Variants in TSHZ2 observed in about 807,000 individuals in gnomAD.
The protein encoded by TSHZ2 is teashirt zinc finger homeobox 2.
A neutral mutation model predicts 74.4 loss-of-function variants in TSHZ2; 21 were observed. The ratio of observed to expected loss-of-function variants is 0.28; its 90% CI spans 0.20 to 0.41. TSHZ2 has a LOEUF of 0.41. TSHZ2 is among the 10% of genes least tolerant of loss of function. The pLI, the probability that TSHZ2 is intolerant of heterozygous loss-of-function variation, is 1.00. For missense variants in TSHZ2, 1,244 were observed against 1,293.5 expected, an observed-to-expected ratio of 0.96 and a Z score of 0.59; for synonymous variants, 540 against 515.3, an observed-to-expected ratio of 1.05 and a Z score of -0.65.
intron 1 of TSHZ2, among the ~76,000 whole-genome samples, chr20:53,057,568 ACTT>A (rs529876438): frequency 2.0e-5 from 3 of 152,140 alleles, no homozygotes; most frequent in Non-Finnish European, 4.4e-5. Context: ...TATAATCATA[ACTT>A]CTTTTTATGT....
At chr20:53,000,854 C>T (rs1281281956) in intron 1 of TSHZ2, among the ~76,000 whole-genome samples, 3 of 152,100 alleles carry the variant, frequency 2.0e-5, no homozygotes, top group East Asian at 1.9e-4. Flanking sequence ...AAAGTTTCCT[C>T]GGGAGATACT....
At chr20:53,026,181 C>G (rs1983438234) in intron 1 of TSHZ2, among the ~76,000 whole-genome samples, 1 of 151,942 alleles carries the variant, frequency 6.6e-6, no homozygotes, top group South Asian at 2.1e-4. Flanking sequence ...TGAATGGAAC[C>G]ATAACTGGAG....
intron 1 of TSHZ2, among the ~76,000 whole-genome samples, chr20:53,020,247 C>T (rs545819216): frequency 3.7e-4 from 57 of 152,286 alleles, no homozygotes; most frequent in African/African-American, 1.2e-3. Flanking sequence ...CATCGGTCCT[C>T]GTGTTATTAC....
chr20:53,246,040 C>CTTTTTTTTTTTTTTTTT (rs57243805), intron 1 of TSHZ2, among the ~76,000 whole-genome samples: 143 of 130,532 alleles, frequency 1.1e-3, no homozygotes, highest in Non-Finnish European at 1.4e-3. Flanking sequence ...TTCTTTCTTT[C>CTTTTTTTTTTTTTTTTT]TTTTTTTTTT....
At chr20:53,261,838 A>G (rs1279003441) in intron 2 of TSHZ2, among the ~76,000 whole-genome samples, 5 of 152,332 alleles carry the variant, frequency 3.3e-5, no homozygotes, top group Middle Eastern at 3.4e-3. Context: ...TATTTTTTAT[A>G]TGGATTTATG....
At chr20:53,372,104 G>A (rs1981495399) in intron 2 of TSHZ2, among the ~76,000 whole-genome samples, 1 of 152,034 alleles carries the variant, frequency 6.6e-6, no homozygotes, top group South Asian at 2.1e-4. Flanking sequence ...AATTACAAAT[G>A]GGAAGACCCT....
At chr20:52,996,262 CT>C (rs1479240610) in intron 1 of TSHZ2, among the ~76,000 whole-genome samples, 1 of 152,002 alleles carries the variant, frequency 6.6e-6, no homozygotes, top group Non-Finnish European at 1.5e-5. Context: ...ACTGTAGCAT[CT>C]TTTTGCTTAA....
intron 2 of TSHZ2, among the ~76,000 whole-genome samples, chr20:53,263,112 C>T (rs1228305581): frequency 6.6e-6 from 1 of 152,134 alleles, no homozygotes; most frequent in Non-Finnish European, 1.5e-5. Flanking sequence ...AAGGTGTTTC[C>T]ATGGGGCTGA....
intron 2 of TSHZ2, among the ~76,000 whole-genome samples, chr20:53,451,123 G>A (rs1266576009): frequency 6.6e-6 from 1 of 152,142 alleles, no homozygotes; most frequent in Non-Finnish European, 1.5e-5. Context: ...TTAAAAACCT[G>A]TTCTAGATAA....
At chr20:52,999,045 CA>C (rs1982311559) in intron 1 of TSHZ2, among the ~76,000 whole-genome samples, 1 of 152,020 alleles carries the variant, frequency 6.6e-6, no homozygotes, top group African/African-American at 2.4e-5. Context: ...AAACTTACAG[CA>C]GTGATTTCAG....
chr20:53,110,351 C>A (rs1477434233), intron 1 of TSHZ2, among the ~76,000 whole-genome samples: 1 of 152,016 alleles, frequency 6.6e-6, no homozygotes, highest in Non-Finnish European at 1.5e-5. Flanking sequence ...CAATAAATCC[C>A]AGACTTTCTC....
Position 53,387,313 on chromosome 20 carries a change from G to A in TSHZ2, c.*9-99831G>A, listed in dbSNP as rs75698999. Among the ~76,000 whole-genome samples, 1,158 of 152,306 alleles carry A rather than the reference G, an allele frequency of 7.6e-3. 11 individuals carry two copies. Among genetic ancestry groups the A allele is most frequent in the African/African-American group, 0.026 (1,081 of 41,562 alleles). On this transcript the variant is annotated intron_variant, in intron 2 of 2. Coordinates refer to ENST00000371497, the MANE Select transcript of TSHZ2 (RefSeq NM_173485.6). ...CACTGGAAGTTTCTTCCTAGCTGTG[G>A]CCTCTGTTGACCATCTGGGACCTGG...
intron 1 of TSHZ2, among the ~76,000 whole-genome samples, chr20:53,219,255 C>A (rs904296104): frequency 6.6e-6 from 1 of 152,176 alleles, no homozygotes; most frequent in African/African-American, 2.4e-5. Context: ...ATGGCCCACC[C>A]CTGGCTTTTT....
chr20:53,371,860 G>A (rs560462996), intron 2 of TSHZ2, among the ~76,000 whole-genome samples: 1 of 143,638 alleles, frequency 7.0e-6, no homozygotes, highest in South Asian at 2.1e-4. Flanking sequence ...GGACTACAGA[G>A]AGAGACTCCG....
intron 2 of TSHZ2, among the ~76,000 whole-genome samples, chr20:53,424,394 T>G (rs973524444): frequency 6.6e-6 from 1 of 152,250 alleles, no homozygotes; most frequent in Non-Finnish European, 1.5e-5. Flanking sequence ...AAAACAGCCC[T>G]GAAAAATATT....
In TSHZ2 at chr20:53,340,851, G is replaced by A. The variant is rs577910486; in HGVS notation, c.*8+84280G>A. On this transcript the variant is annotated intron_variant, in intron 2 of 2. Transcript: ENST00000371497. ...TCACCAAGCATGGGAGAGGGACAAA[G>A]GTGGGGTAGGCCCTGCATCTGTGTT... 3.3e-5 allele frequency among the ~76,000 whole-genome samples: 5 copies of A among 152,300 alleles called. No individual in the cohort carries two copies. In the East Asian group the frequency reaches 9.7e-4, roughly 29 times the overall value.
intron 2 of TSHZ2, among the ~76,000 whole-genome samples, chr20:53,314,473 A>G (rs1197408727): frequency 6.6e-6 from 1 of 152,086 alleles, no homozygotes; most frequent in Non-Finnish European, 1.5e-5. Flanking sequence ...GATCTGGAGA[A>G]GCTTCCTTAA....
At chr20:53,150,053 A>G (rs1284476503) in intron 1 of TSHZ2, among the ~76,000 whole-genome samples, 2 of 152,246 alleles carry the variant, frequency 1.3e-5, no homozygotes, top group African/African-American at 2.4e-5. Context: ...TGTGCCGGAC[A>G]CTGCGGTAAA....
chr20:52,978,262 T>A (rs551695487), intron 1 of TSHZ2, among the ~76,000 whole-genome samples: 1 of 152,280 alleles, frequency 6.6e-6, no homozygotes, highest in African/African-American at 2.4e-5. Flanking sequence ...TGGCATTTTT[T>A]AAAGCCATTG....
Sources: allele counts gnomAD v4.1 joint callset (sites outside exome capture counted in the v4.1 genomes callset), GRCh38; gene constraint gnomAD v4.1.1; transcripts MANE v1.5; gene names NCBI Gene and HGNC (gene_info 2026-07-23, HGNC 2026-07-21).